OGDH: variants seen among roughly 807,000 people sequenced by gnomAD.
OGDH encodes the protein oxoglutarate dehydrogenase, also known as 2-oxoglutarate dehydrogenase complex component E1.
A neutral mutation model predicts 116.6 loss-of-function variants in OGDH; 38 were observed. The ratio of observed to expected loss-of-function variants is 0.33; its 90% CI spans 0.25 to 0.43. OGDH has a LOEUF of 0.43. Ranked by LOEUF, OGDH falls within the 20% of genes least tolerant of loss-of-function variation. The pLI, the probability that OGDH is intolerant of heterozygous loss-of-function variation, is 1.00. For missense variants in OGDH, 825 were observed against 1,357.2 expected (o/e 0.61, Z 6.16); for synonymous variants, 488 against 533.3 (o/e 0.92, Z 1.17).
At chr7:44,655,454 T>G (rs1401097524) in intron 4 of OGDH, among the ~76,000 whole-genome samples, 1 of 152,154 alleles carries the variant, frequency 6.6e-6, no homozygotes, top group Non-Finnish European at 1.5e-5. Flanking sequence ...TCTTGGGGTC[T>G]GAGTCTGACT....
intron 2 of OGDH, among the ~76,000 whole-genome samples, chr7:44,627,175 T>G (rs901800020): frequency 3.3e-5 from 5 of 152,184 alleles, no homozygotes; most frequent in African/African-American, 1.2e-4. Flanking sequence ...TTTTGTATTT[T>G]TAGTAGAGAC....
intron 1 of OGDH, among the ~76,000 whole-genome samples, chr7:44,613,424 G>A (rs1460786204): frequency 6.6e-6 from 1 of 152,156 alleles, no homozygotes; most frequent in African/African-American, 2.4e-5. Context: ...GCAGTGATGC[G>A]ATCTTGGCTC....
At chr7:44,696,225 C>T (rs1330848733) in intron 13 of OGDH, 98 bp downstream of exon 13, 3 of 1,056,846 alleles carry the variant, frequency 2.8e-6, no homozygotes, top group African/African-American at 1.6e-5. Context: ...CACTTTGTAC[C>T]CACAATGCAC....
chr7:44,671,518 C>G (rs1182920264), intron 5 of OGDH, among the ~76,000 whole-genome samples: 1 of 151,906 alleles, frequency 6.6e-6, no homozygotes, highest in Non-Finnish European at 1.5e-5. Context: ...AATTCCAGCA[C>G]TTTGTGAGGC....
At chr7:44,645,257 C>A in intron 2 of OGDH, 70 bp from the exon 3 acceptor site, 1 of 1,423,514 alleles carries the variant, frequency 7.0e-7, no homozygotes, top group Non-Finnish European at 9.7e-7. Flanking sequence ...GAGAGCAGTT[C>A]TCTGTGGCCA....
intron 2 of OGDH, among the ~76,000 whole-genome samples, chr7:44,628,213 G>A (rs973257779): frequency 9.2e-5 from 14 of 152,250 alleles, no homozygotes; most frequent in African/African-American, 3.4e-4. Context: ...TGGCATAAAT[G>A]CATCAGTGTA....
chr7:44,647,096 A>C lies in OGDH; in HGVS notation c.415-561A>C, dbSNP rs867102570. 1.2e-4 allele frequency among the ~76,000 whole-genome samples: 18 copies of C among 152,316 alleles called. No homozygotes were observed. The South Asian group carries it at 3.3e-3, about 28-fold the overall frequency. The stretch of plus-strand genomic sequence containing the variant: ...GCCACTGTACCCAGCACCTTAGGGA[A>C]ATGTTTATGTTCTGAGCTGAGGCAG... On this transcript the variant is annotated intron_variant, in intron 3 of 22. Transcript: ENST00000222673.
chr7:44,706,624 AT>A (rs60453820), intron 20 of OGDH, among the ~76,000 whole-genome samples: 279 of 123,064 alleles, frequency 2.3e-3, no homozygotes, highest in Admixed American at 2.1e-3. Context: ...CCCGGCTGGT[AT>A]TTTTTTTTTT....
chr7:44,647,421 C>T (rs1786233401), intron 3 of OGDH: 1 of 1,507,476 alleles, frequency 6.6e-7, no homozygotes, highest in Non-Finnish European at 8.9e-7. Context: ...TGCTTAATGA[C>T]TTGCTTGTGT....
At chr7:44,705,855 C>T (rs571617804) in intron 20 of OGDH, among the ~76,000 whole-genome samples, 73 of 152,192 alleles carry the variant, frequency 4.8e-4, no homozygotes, top group Non-Finnish European at 8.7e-4. Context: ...CACCCGAGTA[C>T]GATACATGTT....
chr7:44,697,802 C>T lies in OGDH; in HGVS notation c.2358+20C>T. ...GGCATGGTGAGCCTCTGGCCCTTCCCTGCCAGACCTAGGACTTGGGAAGGG... is the reference window on the plus strand; with the variant it reads ...GGCATGGTGAGCCTCTGGCCCTTCCTTGCCAGACCTAGGACTTGGGAAGGG... On this transcript the variant is annotated intron_variant, in intron 17 of 22. Transcript: ENST00000222673. This position sits in a 1 kb window ranked among gnomAD's most constrained non-coding sequence, Gnocchi z 6.0. The T allele has an allele frequency of 1.2e-6, 2 of 1,606,778 alleles. No individual in the cohort carries two copies. Among genetic ancestry groups the T allele is most frequent in the East Asian group, 4.5e-5 (2 of 44,854 alleles).
At chr7:44,671,010 CAAA>C (rs111818473) in intron 5 of OGDH, among the ~76,000 whole-genome samples, 2 of 68,602 alleles carry the variant, frequency 2.9e-5, no homozygotes, top group Non-Finnish European at 3.6e-5. Flanking sequence ...GACTCCATCT[CAAA>C]AAAAAAAAAA....
intron 4 of OGDH, among the ~76,000 whole-genome samples, chr7:44,654,540 G>A (rs1340186034): frequency 1.3e-5 from 2 of 152,170 alleles, no homozygotes; most frequent in Admixed American, 6.5e-5. Flanking sequence ...GTGATATAGA[G>A]CAGTTCATTT....
At chr7:44,646,514 T>C (rs963680908) in intron 3 of OGDH, among the ~76,000 whole-genome samples, 3 of 152,262 alleles carry the variant, frequency 2.0e-5, no homozygotes, top group African/African-American at 7.2e-5. Context: ...AAATGCTATA[T>C]GCTTTAAAGT....
intron 4 of OGDH, among the ~76,000 whole-genome samples, chr7:44,654,406 G>A (rs1786593893): frequency 2.0e-5 from 3 of 152,204 alleles, no homozygotes; most frequent in Non-Finnish European, 4.4e-5. Context: ...ACAGCACAGC[G>A]AGTCATGACA....
At chr7:44,645,550 A>G in intron 3 of OGDH, 32 bp downstream of exon 3, 1 of 1,606,446 alleles carries the variant, frequency 6.2e-7, no homozygotes, top group Non-Finnish European at 8.5e-7. Flanking sequence ...CACACGGGAA[A>G]GGGTGCAGTG....
chr7:44,685,138 CTA>C (rs1369500463), intron 10 of OGDH, among the ~76,000 whole-genome samples: 3 of 152,058 alleles, frequency 2.0e-5, no homozygotes, highest in Admixed American at 6.6e-5. Context: ...ACATTGTTAA[CTA>C]TTTTTAAGTG....
intron 4 of OGDH, among the ~76,000 whole-genome samples, chr7:44,654,276 A>G (rs979894670): frequency 6.6e-6 from 1 of 152,236 alleles, no homozygotes; most frequent in Non-Finnish European, 1.5e-5. Context: ...ACAAATTGCT[A>G]ATACCATTTT....
chr7:44,615,179 T>C (rs564325636), intron 1 of OGDH, among the ~76,000 whole-genome samples: 1 of 152,344 alleles, frequency 6.6e-6, no homozygotes, highest in Admixed American at 6.5e-5. Context: ...ACTTGCAACC[T>C]GGACATTCTG....
Sources: allele counts gnomAD v4.1 joint callset (sites outside exome capture counted in the v4.1 genomes callset), GRCh38; gene constraint gnomAD v4.1.1; non-coding constraint Gnocchi (gnomAD v3.1); transcripts MANE v1.5; gene names NCBI Gene and HGNC (gene_info 2026-07-23, HGNC 2026-07-21).